The following PALM2AKAP2 variants were observed in gnomAD, a reference collection of about 807,000 sequenced individuals.
PALM2AKAP2 encodes the protein PALM2 and AKAP2 fusion.
In PALM2AKAP2, 37 loss-of-function variants were observed where a neutral mutation model predicts 71.5. The ratio of observed to expected loss-of-function variants is 0.52; its 90% CI spans 0.40 to 0.68. PALM2AKAP2 has a LOEUF of 0.68. Among genes scored for constraint, PALM2AKAP2 ranks in the 30% least tolerant of loss-of-function variants. The pLI is 0.00. For synonymous variants in PALM2AKAP2, 468 were observed against 478.8 expected (o/e 0.98, Z 0.29); for missense variants, 1,224 against 1,191.8 (o/e 1.03, Z -0.40).
At chr9:110,086,378 A>G (rs34255176) in intron 1 of PALM2AKAP2, among the ~76,000 whole-genome samples, 12,874 of 152,266 alleles carry the variant, frequency 0.085, 576 homozygotes, top group Middle Eastern at 0.12. Context: ...GTTAATGTCT[A>G]TGAGAGCACC....
chr9:110,093,084 G>T (rs549212293), intron 1 of PALM2AKAP2, among the ~76,000 whole-genome samples: 1 of 152,162 alleles, frequency 6.6e-6, no homozygotes, highest in African/African-American at 2.4e-5. Flanking sequence ...AAGGGAAATT[G>T]AGGGACATGT....
At chr9:110,163,416 A>G (rs1488365014) in intron 3 of PALM2AKAP2, among the ~76,000 whole-genome samples, 1 of 152,186 alleles carries the variant, frequency 6.6e-6, no homozygotes, top group East Asian at 1.9e-4. Context: ...ATTTCATGAT[A>G]TTTAATATTT....
At chr9:110,014,801 AAAATGTATATATATATAT>A (rs1271978816) in intron 6 of PALM2AKAP2, among the ~76,000 whole-genome samples, 76 of 41,260 alleles carry the variant, frequency 1.8e-3, no homozygotes, top group African/African-American at 7.0e-3. Context: ...AAAAAAAAAA[AAAATGTATATATATATAT>A]ATATATATAT....
intron 6 of PALM2AKAP2, among the ~76,000 whole-genome samples, chr9:109,970,528 G>C (rs1343438056): frequency 6.6e-6 from 1 of 152,196 alleles, no homozygotes; most frequent in Non-Finnish European, 1.5e-5. Context: ...TACCTAGTGA[G>C]CCAAGAAACT....
intron 3 of PALM2AKAP2, among the ~76,000 whole-genome samples, chr9:110,167,137 C>T (rs1268177881): frequency 6.6e-6 from 1 of 152,132 alleles, no homozygotes; most frequent in African/African-American, 2.4e-5. Context: ...AAACTCGCTC[C>T]CACATTGAAT....
chr9:109,700,226 G>C (rs1391649231), intron 1 of PALM2AKAP2, among the ~76,000 whole-genome samples: 1 of 152,102 alleles, frequency 6.6e-6, no homozygotes, highest in African/African-American at 2.4e-5. Flanking sequence ...GTCATGGGAG[G>C]GACGTGGTGG....
At chr9:109,869,971 G>A (rs1300209577) in intron 2 of PALM2AKAP2, among the ~76,000 whole-genome samples, 1 of 152,170 alleles carries the variant, frequency 6.6e-6, no homozygotes, top group African/African-American at 2.4e-5. Flanking sequence ...GACAGAATGA[G>A]GGTGAGTTAT....
chr9:110,009,826 G>C (rs1832848889), intron 6 of PALM2AKAP2, among the ~76,000 whole-genome samples: 1 of 151,938 alleles, frequency 6.6e-6, no homozygotes, highest in Non-Finnish European at 1.5e-5. Context: ...ATCCTCATGT[G>C]TGTCCCTGGC....
intron 1 of PALM2AKAP2, among the ~76,000 whole-genome samples, chr9:109,801,712 G>A (rs1336757974): frequency 6.6e-6 from 1 of 151,464 alleles, no homozygotes; most frequent in East Asian, 1.9e-4. Context: ...GTTGATATGT[G>A]TGTGTGTGTG....
chr9:110,099,707 A>G (rs944291282), intron 1 of PALM2AKAP2, among the ~76,000 whole-genome samples: 6 of 152,174 alleles, frequency 3.9e-5, no homozygotes, highest in Non-Finnish European at 7.3e-5. Context: ...GTCCCGAGAA[A>G]ACAAAATTTG....
At chr9:109,965,541 C>G (rs893748796) in intron 6 of PALM2AKAP2, among the ~76,000 whole-genome samples, 1 of 152,082 alleles carries the variant, frequency 6.6e-6, no homozygotes, top group Non-Finnish European at 1.5e-5. Flanking sequence ...TAGTCAAATT[C>G]GTAGTGACAG....
At chr9:110,011,794 C>T (rs754784406) in intron 6 of PALM2AKAP2, among the ~76,000 whole-genome samples, 19 of 152,132 alleles carry the variant, frequency 1.2e-4, no homozygotes, top group Admixed American at 2.6e-4. Flanking sequence ...CCACATTCTC[C>T]GGGAGCTCCC....
chr9:110,003,825 T>C (rs891188345), intron 6 of PALM2AKAP2, among the ~76,000 whole-genome samples: 2 of 152,240 alleles, frequency 1.3e-5, no homozygotes, highest in East Asian at 3.8e-4. Flanking sequence ...GTTTAAAGTC[T>C]GTTTTATCAG....
rs144725720 is a variant in PALM2AKAP2 at position 109,751,196 on chromosome 9, A to G, written c.6-29292A>G. Reference sequence around the variant, plus strand: ...GTGGGGAACTGCGGTTGAGTTGGGCATATACAAGGATATCCTCAGTTTGAA... The same window carrying G: ...GTGGGGAACTGCGGTTGAGTTGGGCGTATACAAGGATATCCTCAGTTTGAA... On this transcript the variant is annotated intron_variant, in intron 1 of 6. Coordinates refer to the PALM2AKAP2 transcript ENST00000374531. Among the ~76,000 whole-genome samples the G allele has an allele frequency of 4.8e-3, 727 of 152,300 alleles. 14 individuals carry two copies. The highest frequency in any genetic ancestry group is 0.016 in the African/African-American group (671 of 41,580).
intron 3 of PALM2AKAP2, among the ~76,000 whole-genome samples, chr9:110,166,678 A>G (rs1040924979): frequency 2.0e-5 from 3 of 152,192 alleles, no homozygotes; most frequent in Non-Finnish European, 4.4e-5. Flanking sequence ...TCATTCATTC[A>G]GCAAACGTGA....
Position 109,942,561 on chromosome 9 carries a change from C to G in PALM2AKAP2, c.496+10533C>G, listed in dbSNP as rs1008997958. 9.4e-6 allele frequency: 10 copies of G among 1,059,242 alleles called. No individual in the cohort carries two copies. The Admixed American group carries it at 1.5e-4, about 15-fold the overall frequency. The allele number at this position is 1,059,242 out of a possible 1,614,324, so 65.6% of individuals were successfully genotyped here. The stretch of plus-strand genomic sequence containing the variant: ...TCACAGTGCGCACCTCACTCTAACA[C>G]TCAAGATGCTTGGCAGTTAGAATAG... On this transcript the variant is annotated intron_variant, in intron 6 of 9. Coordinates refer to the PALM2AKAP2 transcript ENST00000302798.
chr9:110,105,982 C>G (rs1277592706), intron 1 of PALM2AKAP2, among the ~76,000 whole-genome samples: 1 of 152,142 alleles, frequency 6.6e-6, no homozygotes, highest in Non-Finnish European at 1.5e-5. Flanking sequence ...TAATGTAGTG[C>G]TCCTATTTTC....
chr9:109,709,195 T>C (rs1461947245), intron 1 of PALM2AKAP2, among the ~76,000 whole-genome samples: 1 of 152,222 alleles, frequency 6.6e-6, no homozygotes, highest in East Asian at 1.9e-4. Context: ...CACTGTAGCA[T>C]GTTCCTTTTA....
intron 1 of PALM2AKAP2, among the ~76,000 whole-genome samples, chr9:109,790,832 C>T (rs941461099): frequency 6.6e-6 from 1 of 152,166 alleles, no homozygotes; most frequent in African/African-American, 2.4e-5. Flanking sequence ...ATCTAAAAAG[C>T]TTAAGGCTAA....
Sources: gnomAD v4.1 joint callset for allele counts (sites outside exome capture counted in the v4.1 genomes callset) on GRCh38, gnomAD v4.1.1 for gene constraint, MANE v1.5 for transcripts, NCBI Gene and HGNC (gene_info 2026-07-23, HGNC 2026-07-21) for gene names.